The following CASTOR2 variants were observed in gnomAD, a reference collection of about 807,000 sequenced individuals.
The protein encoded by CASTOR2 is GATS protein like 2.
A neutral mutation model predicts 31.2 loss-of-function variants in CASTOR2; 8 were observed. That is an observed-to-expected ratio of 0.26 (90% confidence interval 0.15 to 0.46). The LOEUF (loss-of-function observed/expected upper bound fraction) is 0.46. Ranked by LOEUF, CASTOR2 falls within the 20% of genes least tolerant of loss-of-function variation. CASTOR2 has a pLI of 0.99. For synonymous variants in CASTOR2, 162 were observed against 158.7 expected (o/e 1.02, Z -0.16); for missense variants, 216 against 382.1 (o/e 0.57, Z 3.62).
In CASTOR2 at chr7:75,027,865, A is replaced by G. The variant is rs1805181985; in HGVS notation, c.*3166A>G. On this transcript the variant is annotated 3_prime_UTR_variant, in exon 9 of 9. Transcript: ENST00000616305. ...GTGGGGTGTGAGTGTGGTTTTTCCCAGGCAGGGGCCGTCTGCCCTTGTCCC... is the reference window on the plus strand; with the variant it reads ...GTGGGGTGTGAGTGTGGTTTTTCCCGGGCAGGGGCCGTCTGCCCTTGTCCC... The G allele has an allele frequency of 2.6e-6, 2 of 783,112 alleles. No individual in the cohort carries two copies. Among genetic ancestry groups the G allele is most frequent in the Non-Finnish European group, 4.3e-6 (2 of 469,786 alleles). The allele number at this position is 783,112 out of a possible 1,614,324, so 48.5% of individuals were successfully genotyped here. A position where few individuals can be genotyped will look rare whatever the true frequency, so the allele number is the denominator to read the frequency against.
intron 4 of CASTOR2, 109 bp downstream of exon 4, chr7:75,018,231 G>A (rs1804911301): frequency 3.2e-6 from 5 of 1,539,856 alleles, no homozygotes; most frequent in Admixed American, 2.0e-5. Flanking sequence ...AGCATGAATG[G>A]AGTGCCAGGC....
chr7:74,984,198 T>A (rs1162893682), intron 1 of CASTOR2, among the ~76,000 whole-genome samples: 2 of 148,094 alleles, frequency 1.4e-5, no homozygotes, highest in African/African-American at 5.0e-5. Flanking sequence ...AATACTTGGG[T>A]TTTCGCTCAG....
At position 75,030,944 on chromosome 7, in the gene CASTOR2, C is replaced by T. The variant is rs1324033266; in HGVS notation, c.*6245C>T. Among the ~76,000 whole-genome samples, 1 of 152,196 alleles carries T rather than the reference C, an allele frequency of 6.6e-6. No homozygotes were observed. The highest frequency in any genetic ancestry group is 6.5e-5 in the Admixed American group (1 of 15,278). ...GAAGGTCCAGAAGAATTGGAGACCC[C>T]TGCCCCTCACCCAAACTTTGGAGGT... On this transcript the variant is annotated 3_prime_UTR_variant, in exon 9 of 9. Transcript: ENST00000616305.
At chr7:74,991,014 A>G (rs1209383999) in intron 1 of CASTOR2, among the ~76,000 whole-genome samples, 1 of 150,386 alleles carries the variant, frequency 6.6e-6, no homozygotes, top group African/African-American at 2.4e-5. Flanking sequence ...TAGAGGCTGC[A>G]GTGAACTGTG....
intron 2 of CASTOR2, among the ~76,000 whole-genome samples, chr7:75,009,414 C>A (rs1227461696): frequency 6.6e-6 from 1 of 150,816 alleles, no homozygotes; most frequent in East Asian, 2.0e-4. Flanking sequence ...ACTACAGGCG[C>A]CCGCCACCAC....
chr7:75,006,621 C>T (rs1274988370), intron 1 of CASTOR2, among the ~76,000 whole-genome samples: 1 of 152,162 alleles, frequency 6.6e-6, no homozygotes, highest in African/African-American at 2.4e-5. Context: ...ACCCAAATCT[C>T]ACCTTGAATT....
At chr7:74,983,328 C>T (rs1307983752) in intron 1 of CASTOR2, among the ~76,000 whole-genome samples, 2 of 148,676 alleles carry the variant, frequency 1.3e-5, no homozygotes, top group Non-Finnish European at 3.0e-5. Flanking sequence ...CTTTCTTCTT[C>T]TTTTTTTTTT....
At chr7:74,998,024 A>C (rs1317504084) in intron 1 of CASTOR2, among the ~76,000 whole-genome samples, 4 of 152,076 alleles carry the variant, frequency 2.6e-5, no homozygotes, top group African/African-American at 9.7e-5. Flanking sequence ...ATATCTGTAA[A>C]GGGTGGATGT....
intron 1 of CASTOR2, among the ~76,000 whole-genome samples, chr7:74,975,911 C>T (rs1554435667): frequency 6.8e-6 from 1 of 147,088 alleles, no homozygotes; most frequent in South Asian, 2.2e-4. Context: ...CCCAAGCAGC[C>T]CCATGGAGAG....
Position 75,018,083 on chromosome 7 carries a change from A to G in CASTOR2, c.472A>G (p.Asn158Asp). Reference sequence around the variant, plus strand: ...CAATGGCGAGACCGTGGCAGCCGAGAACCTCGGCATCACCAATGGCTTCGT... The same window carrying G: ...CAATGGCGAGACCGTGGCAGCCGAGGACCTCGGCATCACCAATGGCTTCGT... ...VVNGETVAAE[N>D]LGITNGFVKP... Residue 158 changes from asparagine to aspartate, a missense_variant, in exon 4 of 9, where the codon AAC becomes GAC. Asn to Asp is a conservative substitution (Grantham distance 23, BLOSUM62 1). Coordinates refer to ENST00000616305, the MANE Select transcript of CASTOR2 (RefSeq NM_001145064.3). 1 of 1,614,148 alleles carries G rather than the reference A, an allele frequency of 6.2e-7. No homozygotes were observed.
intron 1 of CASTOR2, among the ~76,000 whole-genome samples, chr7:75,001,497 C>T (rs1173091530): frequency 1.3e-5 from 2 of 152,226 alleles, no homozygotes; most frequent in African/African-American, 4.8e-5. Context: ...GGGGGCCCGG[C>T]ATCTGGGGTG....
At chr7:75,011,597 G>A (rs1455249934) in intron 2 of CASTOR2, among the ~76,000 whole-genome samples, 4 of 151,578 alleles carry the variant, frequency 2.6e-5, no homozygotes, top group African/African-American at 7.3e-5. Context: ...TTTGCCAGGC[G>A]TGGTGGTGGG....
rs1160729242 is a variant in CASTOR2 at position 74,977,184 on chromosome 7, C to CAA, written c.113+12105_113+12106dup. On this transcript the variant is annotated intron_variant, in intron 1 of 8. Transcript: ENST00000616305. ...GGGTGACAAGAGTGAAACTCCATCT[C>CAA]AAAAAAAAAAAAAAAAAAAACACCT... is the stretch of plus-strand genomic sequence containing the variant. Among the ~76,000 whole-genome samples the CAA allele has an allele frequency of 4.6e-3, 164 of 35,758 alleles. 1 individual carries two copies. The highest frequency in any genetic ancestry group is 0.017 in the Middle Eastern group (1 of 58). The allele number at this position is 35,758 out of a possible 152,430, so 23.5% of individuals were successfully genotyped here. A position where few individuals can be genotyped will look rare whatever the true frequency, so the allele number is the denominator to read the frequency against.
chr7:75,003,419 C>T (rs1804540083), intron 1 of CASTOR2, among the ~76,000 whole-genome samples: 2 of 150,418 alleles, frequency 1.3e-5, no homozygotes, highest in South Asian at 2.1e-4. Flanking sequence ...CACTGCACTC[C>T]AGCCTGGGCA....
At chr7:75,005,270 C>T (rs1215744100) in intron 1 of CASTOR2, among the ~76,000 whole-genome samples, 2 of 152,166 alleles carry the variant, frequency 1.3e-5, no homozygotes, top group African/African-American at 4.8e-5. Context: ...TCTACCCGTC[C>T]CCTGATAACT....
rs1805199879 is a variant in CASTOR2 at position 75,028,304 on chromosome 7, A to C, written c.*3605A>C. On this transcript the variant is annotated 3_prime_UTR_variant, in exon 9 of 9. Transcript: ENST00000616305. ...CGCGGCTAATTTTTGTATTTTTGGT[A>C]GAGACGGGGTTTCACCATGTTGGCC... Among the ~76,000 whole-genome samples the C allele has an allele frequency of 6.6e-6, 1 of 151,930 alleles. No individual in the cohort carries two copies. The highest frequency in any genetic ancestry group is 2.4e-5 in the African/African-American group (1 of 41,362).
intron 1 of CASTOR2, among the ~76,000 whole-genome samples, chr7:74,967,932 T>TAAAA (rs1554434804): frequency 4.2e-5 from 2 of 47,922 alleles, no homozygotes; most frequent in African/African-American, 1.9e-4. Flanking sequence ...CTTTATTTTT[T>TAAAA]TTATTTTTTA....
In CASTOR2 at chr7:75,025,604, C is replaced by T. The variant is rs1805106253; in HGVS notation, c.*905C>T. On this transcript the variant is annotated 3_prime_UTR_variant, in exon 9 of 9. Coordinates refer to ENST00000616305, the MANE Select transcript of CASTOR2 (RefSeq NM_001145064.3). ...GACCAGCATAGGACTCCCCGCCGTC[C>T]TCCTCCCTCCTCTGCCCCCAAGTCA... Among the ~76,000 whole-genome samples the T allele has an allele frequency of 6.6e-6, 1 of 152,272 alleles. No individual in the cohort carries two copies. Among genetic ancestry groups the T allele is most frequent in the Admixed American group, 6.5e-5 (1 of 15,292 alleles).
intron 1 of CASTOR2, among the ~76,000 whole-genome samples, chr7:75,001,145 C>T (rs1409806169): frequency 1.3e-5 from 2 of 152,170 alleles, no homozygotes; most frequent in African/African-American, 2.4e-5. Flanking sequence ...GGTGCAATCA[C>T]GGCTCACTGC....
Sources: gnomAD v4.1 joint callset for allele counts (sites outside exome capture counted in the v4.1 genomes callset) on GRCh38, gnomAD v4.1.1 for gene constraint, MANE v1.5 for transcripts, NCBI Gene and HGNC (gene_info 2026-07-23, HGNC 2026-07-21) for gene names.